Variants in RTTN observed in about 807,000 individuals in gnomAD.
RTTN encodes the protein rotatin.
In RTTN, 182 loss-of-function variants were observed where a neutral mutation model predicts 269.2. The ratio of observed to expected loss-of-function variants is 0.68; its 90% CI spans 0.60 to 0.76. The LOEUF (loss-of-function observed/expected upper bound fraction) is 0.76. Among genes scored for constraint, RTTN ranks in the 30% least tolerant of loss-of-function variants. The pLI is 0.00. For synonymous variants in RTTN, 1,006 were observed against 963.5 expected (o/e 1.04, Z -0.82); for missense variants, 2,545 against 2,608.6 (o/e 0.98, Z 0.53).
chr18:70,101,481 G>A (rs1055595757), intron 28 of RTTN, among the ~76,000 whole-genome samples: 5 of 151,740 alleles, frequency 3.3e-5, no homozygotes, highest in Admixed American at 3.3e-4. Context: ...TTCTTTATTA[G>A]TCTTGCTAGT....
At chr18:70,128,223 A>G (rs1312231116) in intron 24 of RTTN, 135 bp downstream of exon 24, 2 of 654,038 alleles carry the variant, frequency 3.1e-6, no homozygotes, top group Non-Finnish European at 5.2e-6. Context: ...AGAAAGTAAA[A>G]ATTATAACTG....
intron 14 of RTTN, among the ~76,000 whole-genome samples, chr18:70,159,773 C>G (rs2060778011): frequency 6.6e-6 from 1 of 151,886 alleles, no homozygotes; most frequent in South Asian, 2.1e-4. Flanking sequence ...CAGAAAGACC[C>G]TCAGAGACCA....
At chr18:70,106,500 T>A (rs751098062) in intron 28 of RTTN, among the ~76,000 whole-genome samples, 1 of 152,114 alleles carries the variant, frequency 6.6e-6, no homozygotes, top group Non-Finnish European at 1.5e-5. Context: ...TGAAGGTAAA[T>A]AAATAAGTTA....
chr18:70,172,171 G>C (rs2145946976), intron 11 of RTTN, among the ~76,000 whole-genome samples: 1 of 152,146 alleles, frequency 6.6e-6, no homozygotes, highest in Non-Finnish European at 1.5e-5. Flanking sequence ...ATATTTTTCA[G>C]AAGATTACCA....
chr18:70,118,389 T>G (rs1050317698), intron 26 of RTTN, among the ~76,000 whole-genome samples: 1 of 151,968 alleles, frequency 6.6e-6, no homozygotes, highest in African/African-American at 2.4e-5. Flanking sequence ...CAAGATGGAA[T>G]CATGAAGAAA....
At chr18:70,174,612 T>C (rs2061238594) in intron 11 of RTTN, among the ~76,000 whole-genome samples, 1 of 151,630 alleles carries the variant, frequency 6.6e-6, no homozygotes, top group African/African-American at 2.4e-5. Context: ...GGAATACTTG[T>C]GGAAATCATA....
chr18:70,134,682 CAT>C (rs773398968), intron 22 of RTTN, 141 bp from the exon 23 acceptor site: 65 of 581,962 alleles, frequency 1.1e-4, no homozygotes, highest in Non-Finnish European at 1.7e-4. Flanking sequence ...ATAGAAACAA[CAT>C]GTTTGCTACT....
chr18:70,092,700 C>T lies in RTTN; in HGVS notation c.4008G>A (p.Glu1336=). The change falls in exon 29 of 49, where the codon GAG becomes GAA. Residue 1336 remains glutamate, a synonymous_variant. Transcript: ENST00000640769. The stretch of plus-strand genomic sequence containing the variant: ...CCAAGCTCCCAGCCTGGGCCATCAT[C>T]TCATGGGATAAGTGAAGCAAGCAAA... ...TILCLLHLSH[E]MMAQAGSLEW... The T allele has an allele frequency of 6.2e-7, 1 of 1,613,274 alleles. No homozygotes were observed. The highest frequency in any genetic ancestry group is 8.5e-7 in the Non-Finnish European group (1 of 1,179,416).
intron 28 of RTTN, among the ~76,000 whole-genome samples, chr18:70,096,715 A>G (rs1453656913): frequency 6.6e-6 from 1 of 152,116 alleles, no homozygotes; most frequent in African/African-American, 2.4e-5. Flanking sequence ...GAGCTCTCCT[A>G]TATGAGGTGT....
chr18:70,031,059 C>G (rs903539410), intron 40 of RTTN, 78 bp from the exon 41 acceptor site: 49 of 941,116 alleles, frequency 5.2e-5, no homozygotes, highest in African/African-American at 8.2e-5. Context: ...AGAACATTTT[C>G]TACTTAAAAG....
intron 7 of RTTN, among the ~76,000 whole-genome samples, chr18:70,196,061 T>G (rs1034813572): frequency 2.0e-5 from 3 of 152,344 alleles, no homozygotes; most frequent in Non-Finnish European, 2.9e-5. Flanking sequence ...AGTCTCACAT[T>G]GCTGCAACAC....
At chr18:70,172,369 CA>C (rs1038022187) in intron 11 of RTTN, among the ~76,000 whole-genome samples, 1 of 152,070 alleles carries the variant, frequency 6.6e-6, no homozygotes, top group African/African-American at 2.4e-5. Context: ...ACTTTAAAGG[CA>C]AAAAGTTTCA....
chr18:70,156,309 T>C (rs1265495010), intron 14 of RTTN, among the ~76,000 whole-genome samples: 1 of 152,108 alleles, frequency 6.6e-6, no homozygotes, highest in Non-Finnish European at 1.5e-5. Flanking sequence ...GTCGAGACTG[T>C]AGGGGTGAAA....
chr18:70,205,236 A>T lies in RTTN; in HGVS notation c.111T>A (p.Ala37=). The change falls in exon 2 of 49, where the codon GCT becomes GCA. Residue 37 remains alanine, a synonymous_variant. Transcript: ENST00000640769. ...AAAGTTGCCTCTCCTGAATGAGATCAGCGTAGCAGATTAAGTTGTGCTCAA... is the reference window on the plus strand; with the variant it reads ...AAAGTTGCCTCTCCTGAATGAGATCTGCGTAGCAGATTAAGTTGTGCTCAA... ...CKIEHNLICY[A]DLIQERQLFL... is the part of the protein sequence containing the mutation. The T allele has an allele frequency of 1.2e-6, 2 of 1,614,248 alleles. No individual in the cohort carries two copies. Among genetic ancestry groups the T allele is most frequent in the Non-Finnish European group, 8.5e-7 (1 of 1,180,048 alleles).
In RTTN at chr18:70,047,155, T is replaced by C. The variant is rs139490426; in HGVS notation, c.5541+816A>G. ...ACAAACCAGCACACAGACAATCTTC[T>C]ATCTTTGCCAAACGTGGCTGGCTGA... On this transcript the variant is annotated intron_variant, in intron 40 of 48. Transcript: ENST00000640769. 6.0e-3 allele frequency among the ~76,000 whole-genome samples: 918 copies of C among 152,338 alleles called. 3 individuals are homozygous for C. Among genetic ancestry groups the C allele is most frequent in the Middle Eastern group, 0.01 (3 of 294 alleles).
intron 14 of RTTN, among the ~76,000 whole-genome samples, chr18:70,157,463 C>G (rs2060712711): frequency 6.6e-6 from 1 of 152,124 alleles, no homozygotes; most frequent in African/African-American, 2.4e-5. Flanking sequence ...GCAAAAGGCC[C>G]CATCCAAAGT....
chr18:70,099,206 A>T (rs1039776503), intron 28 of RTTN, among the ~76,000 whole-genome samples: 1 of 152,322 alleles, frequency 6.6e-6, no homozygotes, highest in Admixed American at 6.5e-5. Context: ...TTACAGTTCC[A>T]CCAACAGTGT....
intron 37 of RTTN, among the ~76,000 whole-genome samples, chr18:70,055,340 T>C (rs1169944769): frequency 6.6e-6 from 1 of 151,882 alleles, no homozygotes; most frequent in Non-Finnish European, 1.5e-5. Flanking sequence ...CACACACTTT[T>C]TTTCCTCTCA....
chr18:70,188,858 C>A (rs1256892674), intron 9 of RTTN, among the ~76,000 whole-genome samples: 1 of 57,928 alleles, frequency 1.7e-5, no homozygotes, highest in African/African-American at 2.6e-5. Flanking sequence ...TCACACGAGA[C>A]TTTCCCACCC....
Sources: gnomAD v4.1 joint callset for allele counts (sites outside exome capture counted in the v4.1 genomes callset) on GRCh38, gnomAD v4.1.1 for gene constraint, MANE v1.5 for transcripts, NCBI Gene and HGNC (gene_info 2026-07-23, HGNC 2026-07-21) for gene names.